BCORL1: variants seen among roughly 807,000 people sequenced by gnomAD.
The protein encoded by BCORL1 is BCL6 corepressor like 1, also known as BCL-6 corepressor-like protein 1.
In BCORL1, 7 loss-of-function variants were observed where a neutral mutation model predicts 87.6. The ratio of observed to expected loss-of-function variants is 0.08; its 90% CI spans 0.05 to 0.15. The LOEUF (loss-of-function observed/expected upper bound fraction) is 0.15. BCORL1 is among the 10% of genes least tolerant of loss of function. The probability of loss-of-function intolerance (pLI) is 1.00; values close to 1 mark genes in which losing one functional copy is unlikely to be tolerated. For missense variants in BCORL1, 1,215 were observed against 1,499.7 expected (o/e 0.81, Z 3.13); for synonymous variants, 591 against 634.4 (o/e 0.93, Z 1.03).
rs779897008 is a variant in BCORL1 at position 130,014,153 on chromosome X, C to G, written c.1381C>G (p.Leu461Val). 47 of 1,209,097 alleles carry G rather than the reference C, an allele frequency of 3.9e-5. No homozygotes were observed. The highest frequency in any genetic ancestry group is 5.1e-5 in the Non-Finnish European group (46 of 894,989). ...YIPPPSCGQP[L>V]SVATLPTTLG... ...CCCGCCTCCAAGCTGTGGGCAGCCACTCAGTGTGGCCACACTGCCAACCAC... is the reference window on the plus strand; with the variant it reads ...CCCGCCTCCAAGCTGTGGGCAGCCAGTCAGTGTGGCCACACTGCCAACCAC... Residue 461 changes from leucine (L) to valine (V), a missense_variant, in exon 4 of 14, where the codon CTC (leucine) becomes GTC (valine). By Grantham distance (32) the Leu-to-Val change is conservative. Around this residue, in one of 5 missense-constraint regions of BCORL1, gnomAD observed 861 missense variants for 1,010.0 expected, o/e 0.85. Transcript: ENST00000540052.
At chrX:129,997,363 C>T (rs1487959674) in intron 1 of BCORL1, among the ~76,000 whole-genome samples, 1 of 111,189 alleles carries the variant, frequency 9.0e-6, no homozygotes, top group Non-Finnish European at 1.9e-5. Context: ...ATGCGATGGG[C>T]TTTTCTTTTA....
intron 5 of BCORL1, among the ~76,000 whole-genome samples, chrX:130,022,468 G>A (rs1043378593): frequency 9.2e-6 from 1 of 108,594 alleles, no homozygotes; most frequent in African/African-American, 3.4e-5. Context: ...TGCTGGGCTC[G>A]ATCTCCTGAC....
At position 130,034,447 on chromosome X, in the gene BCORL1, C is replaced by T; in HGVS notation, c.4306-8C>T. On this transcript the variant is annotated splice_polypyrimidine_tract_variant and splice_region_variant and intron_variant, in intron 8 of 13. Transcript: ENST00000540052. ...GACCTGACCTAGGACTGCATCTCTGCTTTCCAGGGCAAAGGTCGTTGGAGC... is the reference window on the plus strand; with the variant it reads ...GACCTGACCTAGGACTGCATCTCTGTTTTCCAGGGCAAAGGTCGTTGGAGC... 1.0e-6 allele frequency: 1 copy of T among 981,295 alleles called. No homozygotes were observed. Among genetic ancestry groups the T allele is most frequent in the Non-Finnish European group, 1.3e-6 (1 of 754,562 alleles). 80.9% of individuals were successfully genotyped at this position (981,295 alleles called of 1,213,427 possible). A position where few individuals can be genotyped will look rare whatever the true frequency, so the allele number is the denominator to read the frequency against.
chrX:130,026,403 T>C (rs180804276), intron 7 of BCORL1, among the ~76,000 whole-genome samples: 1 of 112,089 alleles, frequency 8.9e-6, no homozygotes, highest in Non-Finnish European at 1.9e-5. Context: ...CTCAAGAGAG[T>C]AATTGAGCTA....
At chrX:130,041,849 G>A (rs1485227767) in intron 11 of BCORL1, among the ~76,000 whole-genome samples, 1 of 111,267 alleles carries the variant, frequency 9.0e-6, no homozygotes, top group Non-Finnish European at 1.9e-5. Flanking sequence ...GGATGGTCTC[G>A]ATCTCCTGAC....
chrX:130,007,562 G>A (rs763771434), intron 2 of BCORL1, among the ~76,000 whole-genome samples: 11 of 112,609 alleles, frequency 9.8e-5, no homozygotes, highest in Admixed American at 1.9e-4. Flanking sequence ...TTGGGAGGCC[G>A]AGGCGGGTGG....
chrX:130,023,170 C>T (rs1929974787), intron 6 of BCORL1, among the ~76,000 whole-genome samples, 193 bp downstream of exon 6: 1 of 111,424 alleles, frequency 9.0e-6, no homozygotes, highest in African/African-American at 3.3e-5. Flanking sequence ...TCAAATATTG[C>T]CCACTGTTTG....
intron 11 of BCORL1, among the ~76,000 whole-genome samples, chrX:130,040,528 G>A (rs1303038651): frequency 8.9e-6 from 1 of 112,465 alleles, no homozygotes. Flanking sequence ...CCTTAGGCCT[G>A]TACAGCCTGA....
intron 11 of BCORL1, among the ~76,000 whole-genome samples, chrX:130,044,365 G>A (rs1931605376): frequency 9.0e-6 from 1 of 110,931 alleles, no homozygotes; most frequent in Non-Finnish European, 1.9e-5. Context: ...ATCCCTTTAG[G>A]GTGCACAGGG....
chrX:130,003,352 C>CCTT (rs756573324), intron 1 of BCORL1, among the ~76,000 whole-genome samples: 111 of 103,954 alleles, frequency 1.1e-3, no homozygotes, highest in South Asian at 6.7e-3. Context: ...TCCTCCTCCT[C>CCTT]CTTCTTCTTC....
chrX:129,985,483 A>G (rs1926521983), intron 1 of BCORL1, among the ~76,000 whole-genome samples: 1 of 111,542 alleles, frequency 9.0e-6, no homozygotes, highest in South Asian at 3.7e-4. Context: ...ATTAAATGGG[A>G]TAACCTAATT....
chrX:130,024,939 C>T (rs779491949), intron 6 of BCORL1, 51 bp from the exon 7 acceptor site: 29 of 1,178,931 alleles, frequency 2.5e-5, no homozygotes, highest in Admixed American at 9.5e-5. Flanking sequence ...CGACACCATG[C>T]TTTGTCCTTT....
At chrX:129,997,986 C>CATATATATATAT (rs754498901) in intron 1 of BCORL1, among the ~76,000 whole-genome samples, 8 of 96,042 alleles carry the variant, frequency 8.3e-5, no homozygotes, top group African/African-American at 3.1e-4. Flanking sequence ...TGAAGTTTTA[C>CATATATATATAT]ATATATATAT....
intron 8 of BCORL1, 48 bp from the exon 9 acceptor site, chrX:130,034,407 T>C (rs1930808403): frequency 2.2e-6 from 2 of 916,733 alleles, no homozygotes; most frequent in African/African-American, 4.1e-5. Context: ...GGTGGATGGA[T>C]AAGCTGCCTG....
chrX:130,039,306 C>T (rs895040630), intron 11 of BCORL1, 24 bp downstream of exon 11: 3 of 1,203,657 alleles, frequency 2.5e-6, no homozygotes, highest in Non-Finnish European at 3.4e-6. Flanking sequence ...AGACTTGACA[C>T]TGTTGTCCTT....
At chrX:129,983,465 C>A (rs1404399647) in intron 1 of BCORL1, among the ~76,000 whole-genome samples, 3 of 104,409 alleles carry the variant, frequency 2.9e-5, no homozygotes, top group Non-Finnish European at 5.9e-5. Flanking sequence ...TTGAAGAGAC[C>A]GGGAGAAAAT....
intron 1 of BCORL1, among the ~76,000 whole-genome samples, chrX:129,996,159 C>T (rs1927546545): frequency 9.0e-6 from 1 of 110,763 alleles, no homozygotes; most frequent in South Asian, 3.8e-4. Context: ...GGAGCTTTAC[C>T]AAGAGCTCTG....
rs186539904 is a variant in BCORL1 at position 129,989,206 on chromosome X, G to T, written c.-45+6444G>T. Among the ~76,000 whole-genome samples, 35 of 109,918 alleles carry T rather than the reference G, an allele frequency of 3.2e-4. No homozygotes were observed. In the East Asian group the frequency reaches 8.2e-3, roughly 26 times the overall value. ...GCTGGAGTGTAGTGGCATGATCTCG[G>T]CTCACTGCAAGCTCCGCTGCCCGGG... is the stretch of plus-strand genomic sequence containing the variant. On this transcript the variant is annotated intron_variant, in intron 1 of 13. Coordinates refer to ENST00000540052, the MANE Select transcript of BCORL1 (RefSeq NM_001379451.1).
intron 11 of BCORL1, among the ~76,000 whole-genome samples, chrX:130,043,775 TA>T (rs1931532204): frequency 3.5e-4 from 8 of 22,884 alleles, no homozygotes; most frequent in African/African-American, 2.5e-3. Context: ...TATATATATA[TA>T]TATATATATT....
Sources: gnomAD v4.1 joint callset for allele counts (sites outside exome capture counted in the v4.1 genomes callset) on GRCh38, gnomAD v4.1.1 for gene constraint, gnomAD v4.1.1 regional missense constraint, MANE v1.5 for transcripts, NCBI Gene and HGNC (gene_info 2026-07-23, HGNC 2026-07-21) for gene names.